The following PKIG variants were observed in gnomAD, a reference collection of about 807,000 sequenced individuals.
The protein encoded by PKIG is cAMP-dependent protein kinase inhibitor gamma.
A neutral mutation model predicts 6.8 loss-of-function variants in PKIG; 1 was observed. The observed-to-expected ratio is 0.15, with a 90% CI of 0.05 to 0.69. The LOEUF (loss-of-function observed/expected upper bound fraction) is 0.69. Ranked by LOEUF, PKIG falls within the 30% of genes least tolerant of loss-of-function variation. The pLI is 0.82. For missense variants in PKIG, 77 were observed against 104.0 expected (o/e 0.74, Z 1.13); for synonymous variants, 39 against 43.0 (o/e 0.91, Z 0.36).
chr20:44,550,976 A>G (rs1035013765), intron 1 of PKIG, among the ~76,000 whole-genome samples: 1 of 152,224 alleles, frequency 6.6e-6, no homozygotes, highest in Non-Finnish European at 1.5e-5. Context: ...GTTTATCTGC[A>G]TGTGTGTATT....
At chr20:44,587,674 TTAAAA>T (rs755118810) in intron 1 of PKIG, among the ~76,000 whole-genome samples, 12 of 152,168 alleles carry the variant, frequency 7.9e-5, no homozygotes, top group Non-Finnish European at 1.3e-4. Flanking sequence ...AAAAACACAC[TTAAAA>T]TAAATCATCA....
At chr20:44,543,885 A>G (rs985018057) in intron 1 of PKIG, among the ~76,000 whole-genome samples, 15 of 152,096 alleles carry the variant, frequency 9.9e-5, no homozygotes, top group African/African-American at 3.6e-4. Flanking sequence ...CAACATGGTG[A>G]AACCCCGTCT....
chr20:44,550,050 G>A (rs2064653894), intron 1 of PKIG, among the ~76,000 whole-genome samples: 1 of 150,928 alleles, frequency 6.6e-6, no homozygotes, highest in Non-Finnish European at 1.5e-5. Flanking sequence ...TCTAGCACCT[G>A]AGGTATACCT....
In PKIG at chr20:44,614,541, G is replaced by A. The variant is rs957479115; in HGVS notation, c.-16G>A. ...TGCCTTCTGTCCCCACAGGCCTGAG[G>A]AGCGATGCGACAGGCATGATGGAGG... On this transcript the variant is annotated 5_prime_UTR_variant, in exon 3 of 4. Coordinates refer to ENST00000372886, the MANE Select transcript of PKIG (RefSeq NM_001281445.2). The surrounding 1 kb of genome is among the most constrained non-coding windows in gnomAD (Gnocchi z 4.6). The A allele has an allele frequency of 6.8e-6, 11 of 1,613,298 alleles. No individual in the cohort carries two copies. In the African/African-American group the frequency reaches 8.0e-5, roughly 12 times the overall value.
chr20:44,564,351 T>C (rs1457794421), intron 1 of PKIG: 1 of 152,176 alleles, frequency 6.6e-6, no homozygotes, highest in Non-Finnish European at 1.5e-5. Flanking sequence ...GTGGGAAAAA[T>C]TGTTTTAAAC....
intron 2 of PKIG, among the ~76,000 whole-genome samples, chr20:44,612,540 A>G (rs1171162249): frequency 1.3e-5 from 2 of 152,212 alleles, no homozygotes; most frequent in Non-Finnish European, 2.9e-5. Flanking sequence ...TAGGTGCTCA[A>G]TGAGAGATAC....
At chr20:44,596,521 A>G (rs764216721) in intron 2 of PKIG, among the ~76,000 whole-genome samples, 2 of 152,158 alleles carry the variant, frequency 1.3e-5, no homozygotes, top group Non-Finnish European at 1.5e-5. Context: ...TGACATCTAC[A>G]CTCTGCTCAA....
chr20:44,573,620 T>C (rs2064872139), intron 1 of PKIG, among the ~76,000 whole-genome samples: 1 of 152,222 alleles, frequency 6.6e-6, no homozygotes, highest in Admixed American at 6.5e-5. Flanking sequence ...AGCTTGGTGT[T>C]TGAGTCTCAC....
chr20:44,588,475 G>A (rs1600877380), intron 1 of PKIG, among the ~76,000 whole-genome samples: 1 of 152,030 alleles, frequency 6.6e-6, no homozygotes. Flanking sequence ...AACCCCGTCT[G>A]TACTAAAAAA....
chr20:44,576,952 T>G (rs1278335858), intron 1 of PKIG, among the ~76,000 whole-genome samples: 1 of 152,048 alleles, frequency 6.6e-6, no homozygotes, highest in Non-Finnish European at 1.5e-5. Context: ...GACCACAAAG[T>G]GGATCCTCAG....
intron 1 of PKIG, among the ~76,000 whole-genome samples, chr20:44,536,538 G>A (rs976103603): frequency 1.3e-4 from 20 of 152,294 alleles, no homozygotes; most frequent in Non-Finnish European, 2.5e-4. Context: ...AGAGAGGAGT[G>A]GAAGATGAAG....
At chr20:44,556,512 GC>G (rs2064714767) in intron 1 of PKIG, among the ~76,000 whole-genome samples, 1 of 152,010 alleles carries the variant, frequency 6.6e-6, no homozygotes, top group Admixed American at 6.6e-5. Context: ...ACAAGCGTGT[GC>G]CACCATGCCT....
intron 1 of PKIG, among the ~76,000 whole-genome samples, chr20:44,571,461 C>T (rs565602510): frequency 7.9e-5 from 12 of 152,226 alleles, no homozygotes; most frequent in African/African-American, 2.9e-4. Context: ...CTTCTATTTC[C>T]TCTCCCTGTG....
Position 44,618,412 on chromosome 20 carries a change from C to A in PKIG, c.*48C>A. On this transcript the variant is annotated 3_prime_UTR_variant, in exon 4 of 4. Coordinates refer to ENST00000372886, the MANE Select transcript of PKIG (RefSeq NM_001281445.2). ...TGGACGAGAGACCTTCTGTCCCCTCCCAGAGGGGGAACCCTGGCACTGGCC... is the reference window on the plus strand; with the variant it reads ...TGGACGAGAGACCTTCTGTCCCCTCACAGAGGGGGAACCCTGGCACTGGCC... 7.9e-7 allele frequency: 1 copy of A among 1,261,260 alleles called. No homozygotes were observed. Among genetic ancestry groups the A allele is most frequent in the Non-Finnish European group, 1.2e-6 (1 of 858,154 alleles). The allele number at this position is 1,261,260 out of a possible 1,614,324, so 78.1% of individuals were successfully genotyped here. A position where few individuals can be genotyped will look rare whatever the true frequency, so the allele number is the denominator to read the frequency against.
chr20:44,563,742 A>G lies in PKIG; in HGVS notation c.-240-18843A>G, dbSNP rs138443689. Among the ~76,000 whole-genome samples the G allele has an allele frequency of 1.3e-4, 19 of 152,000 alleles. No individual in the cohort carries two copies. In the East Asian group the frequency reaches 3.5e-3, roughly 28 times the overall value. ...GATGAGGTCTTACTGTGTTGCCCAGACTGGTCTAAAACTCCTGGACTCACG... is the reference window on the plus strand; with the variant it reads ...GATGAGGTCTTACTGTGTTGCCCAGGCTGGTCTAAAACTCCTGGACTCACG... On this transcript the variant is annotated intron_variant, in intron 1 of 4. Transcript: ENST00000372887.
chr20:44,587,602 A>AT (rs201647734), intron 1 of PKIG, among the ~76,000 whole-genome samples: 208 of 150,516 alleles, frequency 1.4e-3, no homozygotes, highest in African/African-American at 3.6e-3. Flanking sequence ...TTTATTGTGG[A>AT]TTTTTTTTTT....
chr20:44,552,873 G>A (rs189080848), intron 1 of PKIG, among the ~76,000 whole-genome samples: 1 of 152,226 alleles, frequency 6.6e-6, no homozygotes, highest in East Asian at 1.9e-4. Flanking sequence ...TAGTCTGGGG[G>A]CTTCTCCGAG....
chr20:44,592,744 G>C (rs544780165), intron 2 of PKIG, among the ~76,000 whole-genome samples: 102 of 152,308 alleles, frequency 6.7e-4, no homozygotes, highest in Non-Finnish European at 1.2e-3. Flanking sequence ...AGTGGAGAGA[G>C]TAAAAAGTGA....
intron 1 of PKIG, among the ~76,000 whole-genome samples, chr20:44,532,847 C>T (rs568880723): frequency 6.6e-6 from 1 of 152,092 alleles, no homozygotes; most frequent in Non-Finnish European, 1.5e-5. Context: ...AGAGAAAAGC[C>T]TTGGGGAGAG....
Sources: allele counts gnomAD v4.1 joint callset (sites outside exome capture counted in the v4.1 genomes callset), GRCh38; gene constraint gnomAD v4.1.1; non-coding constraint Gnocchi (gnomAD v3.1); transcripts MANE v1.5; gene names NCBI Gene and HGNC (gene_info 2026-07-23, HGNC 2026-07-21).